Variants in STAMBP observed in about 807,000 individuals in gnomAD.
The protein encoded by STAMBP is STAM-binding protein.
In STAMBP, 31 loss-of-function variants were observed where a neutral mutation model predicts 50.7. That is an observed-to-expected ratio of 0.61 (90% confidence interval 0.46 to 0.83). The LOEUF (loss-of-function observed/expected upper bound fraction) is 0.83, where lower values mean the gene tolerates loss of function less well. STAMBP is among the 40% of genes least tolerant of loss of function. STAMBP has a pLI of 0.00. For missense variants in STAMBP, 472 were observed against 518.9 expected, an observed-to-expected ratio of 0.91 and a Z score of 0.88; for synonymous variants, 211 against 192.4, an observed-to-expected ratio of 1.10 and a Z score of -0.80.
Position 73,864,292 on chromosome 2 carries a change from T to G in STAMBP, c.*2033T>G, listed in dbSNP as rs1678663648. 1 of 152,236 alleles carries G rather than the reference T, an allele frequency of 6.6e-6. No individual in the cohort carries two copies. Among genetic ancestry groups the G allele is most frequent in the Non-Finnish European group, 1.5e-5 (1 of 68,046 alleles). The allele number at this position is 152,236 out of a possible 1,614,324, so 9.4% of individuals were successfully genotyped here. A position where few individuals can be genotyped will look rare whatever the true frequency, so the allele number is the denominator to read the frequency against. On this transcript the variant is annotated 3_prime_UTR_variant, in exon 10 of 10. Coordinates refer to ENST00000394070, the MANE Select transcript of STAMBP (RefSeq NM_213622.4). ...CAACATATCATACGTTGCAACCACA[T>G]TGATCACAGACTGATCACCAAACTG... is the stretch of plus-strand genomic sequence containing the variant.
rs1403830046 is a variant in STAMBP at position 73,865,269 on chromosome 2, G to T, written c.*3010G>T. 1 of 152,188 alleles carries T rather than the reference G, an allele frequency of 6.6e-6. No homozygotes were observed. Among genetic ancestry groups the T allele is most frequent in the Admixed American group, 6.5e-5 (1 of 15,278 alleles). The allele number at this position is 152,188 out of a possible 1,614,324, so 9.4% of individuals were successfully genotyped here. On this transcript the variant is annotated 3_prime_UTR_variant, in exon 10 of 10. Coordinates refer to ENST00000394070, the MANE Select transcript of STAMBP (RefSeq NM_213622.4). ...CTGCAATTTTGATATGTTTCCAGTG[G>T]ATTTTGAGAACACAGTTTTAGGACC...
In STAMBP at chr2:73,862,082, A is replaced by G. The variant is rs372787647; in HGVS notation, c.1219-121A>G. Reference sequence around the variant, plus strand: ...AACCCAGGAGGCGGGGGTTGCAGTGAGCCGAGATCGTGCCACTGCACTCCA... The same window carrying G: ...AACCCAGGAGGCGGGGGTTGCAGTGGGCCGAGATCGTGCCACTGCACTCCA... On this transcript the variant is annotated intron_variant, in intron 9 of 9. Coordinates refer to ENST00000394070, the MANE Select transcript of STAMBP (RefSeq NM_213622.4). 71 of 645,168 alleles carry G rather than the reference A, an allele frequency of 1.1e-4. No homozygotes were observed. In the African/African-American group the frequency reaches 1.3e-3, roughly 12 times the overall value. The allele number at this position is 645,168 out of a possible 1,614,324, so 40.0% of individuals were successfully genotyped here. A position where few individuals can be genotyped will look rare whatever the true frequency, so the allele number is the denominator to read the frequency against.
chr2:73,841,886 C>G (rs1675434061), intron 2 of STAMBP, among the ~76,000 whole-genome samples: 1 of 152,172 alleles, frequency 6.6e-6, no homozygotes, highest in Non-Finnish European at 1.5e-5. Context: ...CCCATCTATC[C>G]CCATTCAGAA....
At position 73,830,907 on chromosome 2, in the gene STAMBP, T is replaced by C. The variant is rs772659635; in HGVS notation, c.51T>C (p.Ala17=). The change falls in exon 2 of 10, where the codon GCT becomes GCC. Residue 17 remains alanine (A), a synonymous_variant. Transcript: ENST00000394070. ...VSLPPEDRVR[A]LSQLGSAVEV... ...TCCCGCCCGAAGACCGGGTGAGGGC[T>C]CTCTCCCAGCTGGGTAGTGCGGTAG... is the stretch of plus-strand genomic sequence containing the variant. The C allele has an allele frequency of 1.2e-6, 2 of 1,613,966 alleles. No individual in the cohort carries two copies. Among genetic ancestry groups the C allele is most frequent in the East Asian group, 2.2e-5 (1 of 44,880 alleles).
chr2:73,861,528 GT>G (rs1573407604), intron 9 of STAMBP, among the ~76,000 whole-genome samples: 1 of 151,498 alleles, frequency 6.6e-6, no homozygotes. Flanking sequence ...TTTTGTTTTT[GT>G]TTTTGTTTGA....
At chr2:73,844,787 A>T in intron 2 of STAMBP, 26 bp from the exon 3 acceptor site, 1 of 1,596,244 alleles carries the variant, frequency 6.3e-7, no homozygotes, top group Non-Finnish European at 8.6e-7. Flanking sequence ...CATTTGCTTC[A>T]TAATCATTTT....
chr2:73,844,725 G>A (rs1573310607), intron 2 of STAMBP, 88 bp from the exon 3 acceptor site: 2 of 1,091,236 alleles, frequency 1.8e-6, no homozygotes, highest in East Asian at 2.5e-5. Context: ...TTCATATAAG[G>A]GCTTCAGGAT....
intron 2 of STAMBP, among the ~76,000 whole-genome samples, chr2:73,842,854 T>G (rs923379126): frequency 6.6e-6 from 1 of 152,194 alleles, no homozygotes; most frequent in African/African-American, 2.4e-5. Context: ...CAAAGAAGCA[T>G]GAAACACAGA....
chr2:73,834,145 AG>A (rs1322953022), intron 2 of STAMBP, among the ~76,000 whole-genome samples: 1 of 139,982 alleles, frequency 7.1e-6, no homozygotes, highest in Non-Finnish European at 1.5e-5. Flanking sequence ...CAGGAAGTGG[AG>A]GTTGCAGTGA....
downstream of STAMBP, among the ~76,000 whole-genome samples, chr2:73,868,853 C>T (rs184326767): frequency 7.9e-5 from 12 of 151,390 alleles, no homozygotes; most frequent in East Asian, 1.6e-3. Context: ...CCAGCCTGGA[C>T]GAGGGTGAGA....
Position 73,862,332 on chromosome 2 carries a change from C to T in STAMBP, c.*73C>T. The T allele has an allele frequency of 7.1e-7, 1 of 1,414,512 alleles. No individual in the cohort carries two copies. Among genetic ancestry groups the T allele is most frequent in the Non-Finnish European group, 9.5e-7 (1 of 1,049,142 alleles). 87.6% of individuals were successfully genotyped at this position (1,414,512 alleles called of 1,614,324 possible). A position where few individuals can be genotyped will look rare whatever the true frequency, so the allele number is the denominator to read the frequency against. The stretch of plus-strand genomic sequence containing the variant: ...ACTGTAGCCCCTTAATTTAAGCTTT[C>T]TAGAAAGCTTTGGAAGTTTTTGTAG... On this transcript the variant is annotated 3_prime_UTR_variant, in exon 10 of 10. Transcript: ENST00000394070.
rs1678536043 is a variant in STAMBP at position 73,863,139 on chromosome 2, C to G, written c.*880C>G. ...CAACCATTCACTTCCTCCTTATGCC[C>G]TCCATGCTTTTGGCTGAGGATAATG... is the stretch of plus-strand genomic sequence containing the variant. On this transcript the variant is annotated 3_prime_UTR_variant, in exon 10 of 10. Transcript: ENST00000394070. 1.3e-5 allele frequency: 2 copies of G among 152,236 alleles called. No homozygotes were observed. Among genetic ancestry groups the G allele is most frequent in the South Asian group, 4.1e-4 (2 of 4,832 alleles). 9.4% of individuals were successfully genotyped at this position (152,236 alleles called of 1,614,324 possible). A position where few individuals can be genotyped will look rare whatever the true frequency, so the allele number is the denominator to read the frequency against.
intron 3 of STAMBP, 134 bp downstream of exon 3, chr2:73,845,022 G>T: frequency 6.6e-7 from 1 of 1,520,598 alleles, no homozygotes; most frequent in Non-Finnish European, 8.8e-7. Flanking sequence ...CACCACAACA[G>T]TTCTGAAGTA....
chr2:73,849,639 G>A, intron 6 of STAMBP, 152 bp downstream of exon 6: 2 of 1,068,186 alleles, frequency 1.9e-6, no homozygotes, highest in Non-Finnish European at 2.6e-6. Context: ...CTTTGAATTT[G>A]GTGACCCTGT....
chr2:73,857,109 C>A (rs1445674379), intron 7 of STAMBP, among the ~76,000 whole-genome samples: 2 of 152,204 alleles, frequency 1.3e-5, no homozygotes, highest in Non-Finnish European at 2.9e-5. Context: ...CTGTTTTTCT[C>A]CCACTTTGCA....
rs773834602 is a variant in STAMBP, at chr2:73,859,348, G to T, written c.1100G>T (p.Cys367Phe). The T allele has an allele frequency of 1.9e-6, 3 of 1,614,064 alleles. No individual in the cohort carries two copies. The highest frequency in any genetic ancestry group is 2.5e-6 in the Non-Finnish European group (3 of 1,179,946). The change falls in exon 8 of 10, where the codon TGC becomes TTC. Residue 367 changes from cysteine (C) to phenylalanine (F), a missense_variant. Transcript: ENST00000394070. ...MMLPESVAIV[C>F]SPKFQETGFF... ...TTGCCAGAGTCAGTAGCCATTGTTT[G>T]CTCCCCCAAGTTCCAGGAGTGAGTA...
chr2:73,868,385 G>T (rs1027631157), downstream of STAMBP, among the ~76,000 whole-genome samples: 4 of 152,004 alleles, frequency 2.6e-5, no homozygotes, highest in Admixed American at 2.6e-4. Flanking sequence ...TGGCAGCCCA[G>T]GTCTACCTGA....
intron 7 of STAMBP, among the ~76,000 whole-genome samples, chr2:73,853,240 G>C (rs570690200): frequency 6.6e-6 from 1 of 152,144 alleles, no homozygotes; most frequent in Non-Finnish European, 1.5e-5. Flanking sequence ...GATTAAGTTT[G>C]TGGAGACAAT....
rs1360219874 is a variant in STAMBP at position 73,865,227 on chromosome 2, T to G, written c.*2968T>G. Reference sequence around the variant, plus strand: ...CTATTAGGAGCAAAGCTTTAATGAGTGAAAGTCTGGTGAATCCTGCAATTT... The same window carrying G: ...CTATTAGGAGCAAAGCTTTAATGAGGGAAAGTCTGGTGAATCCTGCAATTT... On this transcript the variant is annotated 3_prime_UTR_variant, in exon 10 of 10. Coordinates refer to ENST00000394070, the MANE Select transcript of STAMBP (RefSeq NM_213622.4). 1 of 152,162 alleles carries G rather than the reference T, an allele frequency of 6.6e-6. No individual in the cohort carries two copies. The allele number at this position is 152,162 out of a possible 1,614,324, so 9.4% of individuals were successfully genotyped here.
Sources: gnomAD v4.1 joint callset for allele counts (sites outside exome capture counted in the v4.1 genomes callset) on GRCh38, gnomAD v4.1.1 for gene constraint, MANE v1.5 for transcripts, NCBI Gene and HGNC (gene_info 2026-07-23, HGNC 2026-07-21) for gene names.